Variants in SIL1 observed in about 807,000 individuals in gnomAD.
SIL1 encodes the protein nucleotide exchange factor SIL1.
A neutral mutation model predicts 49.1 loss-of-function variants in SIL1; 40 were observed. The ratio of observed to expected loss-of-function variants is 0.81; its 90% CI spans 0.63 to 1.06. The LOEUF (loss-of-function observed/expected upper bound fraction) is 1.06. Among genes scored for constraint, SIL1 ranks in the 50% least tolerant of loss-of-function variants. The pLI is 0.00. For synonymous variants in SIL1, 253 were observed against 250.8 expected (o/e 1.01, Z -0.08); for missense variants, 500 against 572.6 (o/e 0.87, Z 1.29).
intron 1 of SIL1, among the ~76,000 whole-genome samples, chr5:139,139,566 C>G (rs970845767): frequency 6.6e-6 from 1 of 152,232 alleles, no homozygotes; most frequent in Non-Finnish European, 1.5e-5. Flanking sequence ...TCCTTGAGCA[C>G]ACTGGGCACC....
At chr5:138,961,800 C>A (rs1329634169) in intron 7 of SIL1, among the ~76,000 whole-genome samples, 2 of 152,110 alleles carry the variant, frequency 1.3e-5, no homozygotes, top group African/African-American at 4.8e-5. Context: ...AACTCTAAGT[C>A]ATCTTTCCTT....
chr5:139,019,153 A>T (rs1162646021), intron 7 of SIL1, among the ~76,000 whole-genome samples: 1 of 152,254 alleles, frequency 6.6e-6, no homozygotes, highest in Non-Finnish European at 1.5e-5. Context: ...GAGCAAGCTC[A>T]TCCCATCACT....
At chr5:139,056,182 T>C (rs1581064368) in intron 3 of SIL1, among the ~76,000 whole-genome samples, 1 of 149,388 alleles carries the variant, frequency 6.7e-6, no homozygotes, top group South Asian at 2.1e-4. Flanking sequence ...GTCTGGAAAG[T>C]GAGGAGCGTC....
In SIL1 at chr5:139,081,809, G is replaced by A. The variant is rs541376078; in HGVS notation, c.245-30763C>T. Among the ~76,000 whole-genome samples, 143 of 152,128 alleles carry A rather than the reference G, an allele frequency of 9.4e-4. 2 individuals carry two copies. Among genetic ancestry groups the A allele is most frequent in the Middle Eastern group, 3.4e-3 (1 of 294 alleles). ...CAGGAGAATCGCTTGAACCCAGGAG[G>A]CAGAGGTTGCAGTGAGCTGAGATCG... On this transcript the variant is annotated intron_variant, in intron 3 of 9. Transcript: ENST00000394817.
At chr5:139,074,852 G>A (rs1700357821) in intron 3 of SIL1, among the ~76,000 whole-genome samples, 1 of 152,064 alleles carries the variant, frequency 6.6e-6, no homozygotes, top group Non-Finnish European at 1.5e-5. Flanking sequence ...TTGAGGCACA[G>A]TCTTGCTCTG....
At chr5:139,070,486 G>A (rs539429430) in intron 3 of SIL1, among the ~76,000 whole-genome samples, 10 of 152,192 alleles carry the variant, frequency 6.6e-5, no homozygotes, top group Middle Eastern at 6.8e-3. Flanking sequence ...GCGACCTAAT[G>A]GCCAGAATGT....
chr5:139,042,311 T>C (rs1257555686), intron 5 of SIL1, among the ~76,000 whole-genome samples: 2 of 152,096 alleles, frequency 1.3e-5, no homozygotes, highest in Non-Finnish European at 2.9e-5. Context: ...CTCACTCCAC[T>C]CAGGCCTGTG....
intron 7 of SIL1, among the ~76,000 whole-genome samples, chr5:139,014,696 A>G (rs1422686713): frequency 6.6e-6 from 1 of 152,224 alleles, no homozygotes; most frequent in African/African-American, 2.4e-5. Context: ...TTGCCATTTG[A>G]AAAAAGTAAT....
At chr5:139,138,358 G>A (rs772245177) in intron 1 of SIL1, among the ~76,000 whole-genome samples, 2 of 152,180 alleles carry the variant, frequency 1.3e-5, no homozygotes, top group Non-Finnish European at 2.9e-5. Context: ...GAATACTCAG[G>A]TCCTAGTCTG....
intron 7 of SIL1, among the ~76,000 whole-genome samples, chr5:138,963,132 C>T (rs933313802): frequency 7.9e-5 from 12 of 152,130 alleles, no homozygotes; most frequent in Admixed American, 2.0e-4. Context: ...ATAACTATCC[C>T]CATGTCTGGT....
intron 3 of SIL1, among the ~76,000 whole-genome samples, chr5:139,100,366 A>G (rs1388101667): frequency 6.6e-6 from 1 of 152,226 alleles, no homozygotes; most frequent in Non-Finnish European, 1.5e-5. Flanking sequence ...GAGCAAGACC[A>G]GAGTGACTAG....
At chr5:139,145,377 G>A (rs533345962) in intron 1 of SIL1, among the ~76,000 whole-genome samples, 4 of 152,278 alleles carry the variant, frequency 2.6e-5, no homozygotes, top group Admixed American at 6.5e-5. Context: ...ATCACTGGTG[G>A]GAGTATAAAA....
At chr5:139,142,498 A>G (rs1751100597) in intron 1 of SIL1, among the ~76,000 whole-genome samples, 1 of 152,346 alleles carries the variant, frequency 6.6e-6, no homozygotes, top group South Asian at 2.1e-4. Flanking sequence ...ATGAAATGCA[A>G]TCAATGTAAT....
chr5:139,041,302 G>A (rs1052519957), intron 5 of SIL1, among the ~76,000 whole-genome samples: 11 of 152,198 alleles, frequency 7.2e-5, no homozygotes, highest in African/African-American at 1.4e-4. Context: ...GAGTAAAGAC[G>A]TGGAGACTGA....
chr5:139,023,755 A>T (rs1768582296), intron 6 of SIL1, among the ~76,000 whole-genome samples: 1 of 152,120 alleles, frequency 6.6e-6, no homozygotes, highest in African/African-American at 2.4e-5. Context: ...CTAGTACTAC[A>T]TCACCCCAAG....
At chr5:139,180,671 C>A (rs754298975) in intron 1 of SIL1, among the ~76,000 whole-genome samples, 1 of 152,182 alleles carries the variant, frequency 6.6e-6, no homozygotes, top group Admixed American at 6.5e-5. Flanking sequence ...CAAAATTCAT[C>A]ATCTGCAACT....
intron 1 of SIL1, among the ~76,000 whole-genome samples, chr5:139,150,736 T>C (rs575292660): frequency 6.6e-6 from 1 of 152,306 alleles, no homozygotes; most frequent in East Asian, 1.9e-4. Flanking sequence ...GCCTATTCAA[T>C]AGCAGTAACA....
chr5:139,107,002 T>C (rs1770728230), intron 3 of SIL1, among the ~76,000 whole-genome samples: 1 of 152,216 alleles, frequency 6.6e-6, no homozygotes, highest in South Asian at 2.1e-4. Context: ...TTCATTTATA[T>C]TCCAAAGAAC....
At chr5:139,172,631 CAA>C (rs57237412) in intron 1 of SIL1, among the ~76,000 whole-genome samples, 8 of 109,312 alleles carry the variant, frequency 7.3e-5, no homozygotes, top group Non-Finnish European at 7.1e-5. Context: ...GACTCCGTCT[CAA>C]AAAAAAAAAA....
Sources: gnomAD v4.1 joint callset for allele counts (sites outside exome capture counted in the v4.1 genomes callset) on GRCh38, gnomAD v4.1.1 for gene constraint, MANE v1.5 for transcripts, NCBI Gene and HGNC (gene_info 2026-07-23, HGNC 2026-07-21) for gene names.